PDCD11: variants seen among roughly 807,000 people sequenced by gnomAD.
PDCD11 encodes the protein programmed cell death 11.
In PDCD11, 97 loss-of-function variants were observed where a neutral mutation model predicts 198.9. That is an observed-to-expected ratio of 0.49 (90% CI 0.41 to 0.58). The LOEUF is 0.58. Ranked by LOEUF, PDCD11 falls within the 20% of genes least tolerant of loss-of-function variation. The pLI is 0.00. For missense variants in PDCD11, 2,102 were observed against 2,312.7 expected (o/e 0.91, Z 1.87); for synonymous variants, 893 against 918.0 (o/e 0.97, Z 0.49).
chr10:103,413,123 C>T lies in PDCD11; in HGVS notation c.986C>T (p.Ala329Val). ...GTYFSNQAVR[A>V]CILCVHPRTR... ...GCCCTTCCTTTTGTCTAGGTGAGGG[C>T]CTGCATCCTTTGCGTCCATCCTCGA... is the stretch of plus-strand genomic sequence containing the variant. The change falls in exon 9 of 36, where the codon GCC becomes GTC. Residue 329 changes from alanine (A) to valine (V), a missense_variant. Physicochemically the swap from Ala to Val is moderately conservative, Grantham distance 64. Transcript: ENST00000369797. 3 of 1,613,924 alleles carry T rather than the reference C, an allele frequency of 1.9e-6. No homozygotes were observed. The highest frequency in any genetic ancestry group is 2.5e-6 in the Non-Finnish European group (3 of 1,179,932).
intron 17 of PDCD11, among the ~76,000 whole-genome samples, chr10:103,421,993 G>GA (rs1222145707): frequency 1.3e-4 from 16 of 121,880 alleles, no homozygotes; most frequent in African/African-American, 2.9e-4. Context: ...AAAAAAAAAA[G>GA]AAAAAAAAAA....
In PDCD11 at chr10:103,444,547, T is replaced by G. The variant is rs2032518088; in HGVS notation, c.5309T>G (p.Leu1770Arg). ...HVDVIAKFAQ[L>R]EFQLGDAERA... is the part of the protein sequence containing the mutation. Reference sequence around the variant, plus strand: ...GATGTCATTGCCAAGTTTGCCCAGCTTGAGTTTCAGCTGGGGGATGCAGAG... The same window carrying G: ...GATGTCATTGCCAAGTTTGCCCAGCGTGAGTTTCAGCTGGGGGATGCAGAG... Residue 1770 changes from leucine (L) to arginine (R), a missense_variant, in exon 35 of 36, where the codon CTT (leucine) becomes CGT (arginine). By Grantham distance (102) the Leu-to-Arg change is moderately radical. Coordinates refer to ENST00000369797, the MANE Select transcript of PDCD11 (RefSeq NM_014976.2). 1 of 1,614,074 alleles carries G rather than the reference T, an allele frequency of 6.2e-7. No individual in the cohort carries two copies. Among genetic ancestry groups the G allele is most frequent in the South Asian group, 1.1e-5 (1 of 91,078 alleles).
intron 13 of PDCD11, 32 bp from the exon 14 acceptor site, chr10:103,417,760 G>T (rs751244761): frequency 6.2e-7 from 1 of 1,607,890 alleles, no homozygotes; most frequent in Admixed American, 1.7e-5. Flanking sequence ...TTGCTGGGAG[G>T]AGTTGGCCAA....
intron 34 of PDCD11, 119 bp from the exon 35 acceptor site, chr10:103,444,398 C>T (rs1457752911): frequency 6.9e-6 from 7 of 1,013,312 alleles, no homozygotes; most frequent in Non-Finnish European, 1.0e-5. Flanking sequence ...CCTCTTGTCA[C>T]AACCTGAGTC....
chr10:103,434,690 C>A, intron 24 of PDCD11, 108 bp from the exon 25 acceptor site: 1 of 867,528 alleles, frequency 1.2e-6, no homozygotes, highest in Non-Finnish European at 1.7e-6. Flanking sequence ...AGCCCAGATA[C>A]CCCAAGTCTG....
chr10:103,442,883 G>A (rs559108417), intron 32 of PDCD11, among the ~76,000 whole-genome samples: 86 of 152,272 alleles, frequency 5.6e-4, no homozygotes, highest in Admixed American at 4.0e-3. Context: ...AGGACTCTGC[G>A]TCCAGCCCAA....
intron 13 of PDCD11, 76 bp downstream of exon 13, chr10:103,416,818 T>A (rs1197587646): frequency 9.2e-6 from 14 of 1,526,716 alleles, no homozygotes; most frequent in Non-Finnish European, 1.2e-5. Context: ...CAGTAAGTAG[T>A]GGGGCTGCCT....
chr10:103,442,094 C>G (rs547553597), intron 31 of PDCD11, 119 bp downstream of exon 31: 1 of 1,542,306 alleles, frequency 6.5e-7, no homozygotes. Context: ...GCGGCCAGTC[C>G]CAGGCCAGGG....
Position 103,413,163 on chromosome 10 carries a change from C to T in PDCD11, c.1026C>T (p.His342=), listed in dbSNP as rs1166202980. The change falls in exon 9 of 36, where the codon CAC becomes CAT. Residue 342 remains histidine, a synonymous_variant. Coordinates refer to ENST00000369797, the MANE Select transcript of PDCD11 (RefSeq NM_014976.2). ...TCCATCCTCGAACCAGAGTTGTGCA[C>T]CTGAGCCTGCGCCCCATCTTCCTAC... ...LCVHPRTRVV[H]LSLRPIFLQP... is the part of the protein sequence containing the mutation. The T allele has an allele frequency of 4.3e-6, 7 of 1,614,168 alleles. No individual in the cohort carries two copies. The highest frequency in any genetic ancestry group is 5.9e-6 in the Non-Finnish European group (7 of 1,180,036).
Position 103,415,059 on chromosome 10 carries a change from A to G in PDCD11, c.1426A>G (p.Met476Val), listed in dbSNP as rs752831983. Reference sequence around the variant, plus strand: ...GATGCTGGTGAAGGTGGGCGAGCAGATGAGGGGCCTGGTACCTCCCATGCA... The same window carrying G: ...GATGCTGGTGAAGGTGGGCGAGCAGGTGAGGGGCCTGGTACCTCCCATGCA... ...YGMLVKVGEQ[M>V]RGLVPPMHLA... Residue 476 changes from methionine to valine, a missense_variant, in exon 12 of 36, where the codon ATG becomes GTG. Met to Val is a conservative substitution (Grantham distance 21). Transcript: ENST00000369797. 1 of 1,614,094 alleles carries G rather than the reference A, an allele frequency of 6.2e-7. No individual in the cohort carries two copies. Among genetic ancestry groups the G allele is most frequent in the South Asian group, 1.1e-5 (1 of 91,074 alleles).
rs1216411892 is a variant in PDCD11, at chr10:103,423,608, G to A, written c.2713G>A (p.Glu905Lys). 2 of 1,614,120 alleles carry A rather than the reference G, an allele frequency of 1.2e-6. No individual in the cohort carries two copies. Among genetic ancestry groups the A allele is most frequent in the Admixed American group, 1.7e-5 (1 of 60,022 alleles). The change falls in exon 19 of 36, where the codon GAA (glutamate) becomes AAA (lysine). Residue 905 changes from glutamate to lysine, a missense_variant. Physicochemically the swap from Glu to Lys is moderately conservative, Grantham distance 56 (BLOSUM62 1). Transcript: ENST00000369797. The stretch of plus-strand genomic sequence containing the variant: ...CTTAAATGTTGATCTTTTGAAGTTG[G>A]AAGTGCACGTTTCCCTTCACCAGGA... The part of the protein sequence containing the change: ...VILNVDLLKL[E>K]VHVSLHQDLV...
intron 7 of PDCD11, among the ~76,000 whole-genome samples, chr10:103,408,627 A>G (rs2030606533): frequency 6.6e-6 from 1 of 151,974 alleles, no homozygotes; most frequent in Admixed American, 6.6e-5. Context: ...TGCAGCCTCC[A>G]CCATCCAGGT....
Position 103,438,836 on chromosome 10 carries a change from C to T in PDCD11, c.4025+28C>T, listed in dbSNP as rs769390370. The T allele has an allele frequency of 3.1e-6, 5 of 1,612,336 alleles. No individual in the cohort carries two copies. The East Asian group carries it at 1.1e-4, about 36-fold the overall frequency. On this transcript the variant is annotated intron_variant, in intron 27 of 35. Coordinates refer to ENST00000369797, the MANE Select transcript of PDCD11 (RefSeq NM_014976.2). The stretch of plus-strand genomic sequence containing the variant: ...GAGTGAGGGGGGCTCTGCACCCGGA[C>T]CCAAGTGCCTTCCCTGAGCCTGTGT...
At chr10:103,421,934 C>G (rs1485428518) in intron 17 of PDCD11, among the ~76,000 whole-genome samples, 1 of 145,698 alleles carries the variant, frequency 6.9e-6, no homozygotes, top group Non-Finnish European at 1.5e-5. Flanking sequence ...GTCACTGCAG[C>G]CCGCAGTCCG....
rs141115892 is a variant in PDCD11, at chr10:103,412,952, C to T, written c.979-164C>T. Among the ~76,000 whole-genome samples, 27 of 152,294 alleles carry T rather than the reference C, an allele frequency of 1.8e-4. 1 individual carries two copies. In the East Asian group the frequency reaches 5.2e-3, roughly 29 times the overall value. On this transcript the variant is annotated intron_variant, in intron 8 of 35. Transcript: ENST00000369797. ...GTCCCTATGGGACATTTTGATTTTT[C>T]TGCATTCTGCTTGAGTGTGGAAGCC...
At chr10:103,418,366 GC>G (rs1224439346) in intron 14 of PDCD11, 73 bp from the exon 15 acceptor site, 12 of 1,270,262 alleles carry the variant, frequency 9.4e-6, no homozygotes, top group Non-Finnish European at 1.2e-5. Context: ...ATGCCTCCAA[GC>G]CCTGCCTAAT....
chr10:103,430,481 A>G (rs1021551276), intron 21 of PDCD11, among the ~76,000 whole-genome samples: 4 of 152,218 alleles, frequency 2.6e-5, no homozygotes, highest in African/African-American at 9.6e-5. Context: ...GTATATACCT[A>G]TAAGTGGGAT....
At chr10:103,442,612 T>G (rs1054389736) in intron 32 of PDCD11, 152 bp downstream of exon 32, 9 of 752,386 alleles carry the variant, frequency 1.2e-5, no homozygotes, top group Non-Finnish European at 2.0e-5. Flanking sequence ...CTGCCATAGC[T>G]GCGGCCATCT....
chr10:103,409,649 C>T, intron 7 of PDCD11, 50 bp from the exon 8 acceptor site: 2 of 1,311,534 alleles, frequency 1.5e-6, no homozygotes, highest in Non-Finnish European at 2.2e-6. Flanking sequence ...TCTCACATTC[C>T]TGGTTCTTTC....
Sources: allele counts gnomAD v4.1 joint callset (sites outside exome capture counted in the v4.1 genomes callset), GRCh38; gene constraint gnomAD v4.1.1; transcripts MANE v1.5; gene names NCBI Gene and HGNC (gene_info 2026-07-23, HGNC 2026-07-21).